GOLM1: variants seen among roughly 807,000 people sequenced by gnomAD.
The protein encoded by GOLM1 is epididymis luminal protein 46.
In GOLM1, 31 loss-of-function variants were observed where a neutral mutation model predicts 50.5. The ratio of observed to expected loss-of-function variants is 0.61; its 90% CI spans 0.46 to 0.83. GOLM1 has a LOEUF of 0.83. GOLM1 is among the 40% of genes least tolerant of loss of function. GOLM1 has a pLI of 0.00. For synonymous variants in GOLM1, 178 were observed against 192.8 expected, an observed-to-expected ratio of 0.92 and a Z score of 0.64; for missense variants, 491 against 501.3, an observed-to-expected ratio of 0.98 and a Z score of 0.20.
At chr9:86,096,042 T>C (rs1231570181) in intron 1 of GOLM1, among the ~76,000 whole-genome samples, 1 of 152,198 alleles carries the variant, frequency 6.6e-6, no homozygotes, top group Non-Finnish European at 1.5e-5. Flanking sequence ...TAAAAGTCCA[T>C]TGAAGTAGGC....
intron 1 of GOLM1, among the ~76,000 whole-genome samples, chr9:86,098,739 G>A (rs980010709): frequency 1.3e-5 from 2 of 152,242 alleles, no homozygotes; most frequent in South Asian, 2.1e-4. Flanking sequence ...TTTTACAGCA[G>A]GGCAAAGTTG....
intron 1 of GOLM1, among the ~76,000 whole-genome samples, chr9:86,098,766 T>C (rs530857771): frequency 1.6e-4 from 24 of 152,316 alleles, no homozygotes; most frequent in Admixed American, 1.2e-3. Context: ...TCCTCCACGT[T>C]GGCAAAGGTG....
intron 9 of GOLM1, among the ~76,000 whole-genome samples, chr9:86,031,384 A>G (rs1297904586): frequency 6.6e-6 from 1 of 152,062 alleles, no homozygotes; most frequent in East Asian, 1.9e-4. Context: ...TAGTCATGAA[A>G]ACTGTTAAAA....
rs1301062688 is a variant in GOLM1 at position 86,058,529 on chromosome 9, C to G, written c.310-5938G>C. 2.6e-5 allele frequency among the ~76,000 whole-genome samples: 4 copies of G among 151,556 alleles called. No homozygotes were observed. The East Asian group carries it at 7.7e-4, about 29-fold the overall frequency. ...TGGCCAACACAGCAAAACTCTGTCT[C>G]TACTAAAAATACAAAAATTAGCCAG... On this transcript the variant is annotated intron_variant, in intron 3 of 9. Coordinates refer to ENST00000388712, the MANE Select transcript of GOLM1 (RefSeq NM_016548.4).
At chr9:86,068,427 G>A (rs1834365725) in intron 3 of GOLM1, among the ~76,000 whole-genome samples, 1 of 152,228 alleles carries the variant, frequency 6.6e-6, no homozygotes. Context: ...GGTCAGGTCT[G>A]CTGTGAGCGA....
Position 86,035,584 on chromosome 9 carries a change from T to C in GOLM1, c.799A>G (p.Arg267Gly). The change falls in exon 8 of 10, where the codon AGG becomes GGG. Residue 267 changes from arginine to glycine, a missense_variant. Coordinates refer to ENST00000388712, the MANE Select transcript of GOLM1 (RefSeq NM_016548.4). ...EIQVVNEEPQ[R>G]DRLPQEPGRE... ...CCTGGCTCCTGCGGCAGCCTGTCCCTCTGAGGCTCCTCATTCACCACCTGG... is the reference window on the plus strand; with the variant it reads ...CCTGGCTCCTGCGGCAGCCTGTCCCCCTGAGGCTCCTCATTCACCACCTGG... 6.2e-7 allele frequency: 1 copy of C among 1,605,632 alleles called. No homozygotes were observed. Among genetic ancestry groups the C allele is most frequent in the South Asian group, 1.1e-5 (1 of 91,004 alleles).
rs1405225462 is a variant in GOLM1 at position 86,040,772 on chromosome 9, T to C, written c.564A>G (p.Arg188=). The change falls in exon 6 of 10, where the codon AGA becomes AGG. Residue 188 remains arginine (R), a synonymous_variant. Transcript: ENST00000388712. ...TKKGNEAVAS[R]DLSENNDQRQ... Reference sequence around the variant, plus strand: ...TCTGGTCGTTGTTTTCACTCAGGTCTCTGGAAGCTACAGCTTCATTCCCCT... The same window carrying C: ...TCTGGTCGTTGTTTTCACTCAGGTCCCTGGAAGCTACAGCTTCATTCCCCT... 8 of 1,613,892 alleles carry C rather than the reference T, an allele frequency of 5.0e-6. No individual in the cohort carries two copies. The highest frequency in any genetic ancestry group is 1.3e-5 in the African/African-American group (1 of 74,920).
intron 3 of GOLM1, among the ~76,000 whole-genome samples, chr9:86,060,912 A>AAG (rs1288996506): frequency 9.1e-5 from 7 of 76,554 alleles, no homozygotes; most frequent in South Asian, 4.2e-4. Flanking sequence ...AAAAAAAAAA[A>AAG]AAGAAGAAGA....
At chr9:86,047,755 A>G (rs570124245) in intron 4 of GOLM1, among the ~76,000 whole-genome samples, 1 of 152,358 alleles carries the variant, frequency 6.6e-6, no homozygotes, top group East Asian at 1.9e-4. Flanking sequence ...TCAGCAGTCA[A>G]AGAAATGAAT....
chr9:86,051,886 A>G (rs906665834), intron 4 of GOLM1, among the ~76,000 whole-genome samples: 5 of 152,196 alleles, frequency 3.3e-5, no homozygotes, highest in Non-Finnish European at 7.3e-5. Flanking sequence ...CGAAACCAGC[A>G]ATGACCAAAA....
chr9:86,052,513 T>C, intron 4 of GOLM1, 24 bp downstream of exon 4: 1 of 1,609,726 alleles, frequency 6.2e-7, no homozygotes, highest in Non-Finnish European at 8.5e-7. Flanking sequence ...CAGTGCCTGG[T>C]GTGGAGGAGC....
At chr9:86,046,646 G>C in intron 4 of GOLM1, 74 bp from the exon 5 acceptor site, 1 of 852,150 alleles carries the variant, frequency 1.2e-6, no homozygotes, top group Non-Finnish European at 2.0e-6. Flanking sequence ...ATATGACAGA[G>C]GCAGACTCAC....
Position 86,036,474 on chromosome 9 carries a change from G to T in GOLM1, c.631C>A (p.Gln211Lys). The part of the protein sequence containing the change: ...QALSEPQPRL[Q>K]AAGLPHTEVP... The stretch of plus-strand genomic sequence containing the variant: ...TCTGTGTGTGGCAGGCCTGCTGCCT[G>T]CAGCCTGGGCTGAGGCTCACTGAGG... The change falls in exon 7 of 10, where the codon CAG becomes AAG. Residue 211 changes from glutamine (Q) to lysine (K), a missense_variant. Transcript: ENST00000388712. 6.2e-7 allele frequency: 1 copy of T among 1,614,158 alleles called. No homozygotes were observed. Among genetic ancestry groups the T allele is most frequent in the Non-Finnish European group, 8.5e-7 (1 of 1,180,004 alleles).
At chr9:86,068,154 T>TGA (rs1834359089) in intron 3 of GOLM1, among the ~76,000 whole-genome samples, 1 of 152,098 alleles carries the variant, frequency 6.6e-6, no homozygotes, top group Non-Finnish European at 1.5e-5. Context: ...AAAGAAAGAC[T>TGA]GAGAGGCAAG....
chr9:86,096,876 CA>C (rs1835369237), intron 1 of GOLM1, among the ~76,000 whole-genome samples: 1 of 151,852 alleles, frequency 6.6e-6, no homozygotes, highest in Non-Finnish European at 1.5e-5. Flanking sequence ...TAAGAAACAT[CA>C]AAAAAGTTGG....
intron 6 of GOLM1, among the ~76,000 whole-genome samples, chr9:86,039,967 CAA>C (rs202123864): frequency 3.3e-4 from 24 of 72,316 alleles, no homozygotes; most frequent in East Asian, 8.4e-4. Context: ...GATGCCCTCT[CAA>C]AAAAAAAAAA....
At chr9:86,051,885 C>T (rs1833764694) in intron 4 of GOLM1, among the ~76,000 whole-genome samples, 1 of 152,138 alleles carries the variant, frequency 6.6e-6, no homozygotes. Context: ...TCGAAACCAG[C>T]AATGACCAAA....
intron 1 of GOLM1, among the ~76,000 whole-genome samples, chr9:86,090,013 C>T (rs1835123879): frequency 6.6e-6 from 1 of 152,194 alleles, no homozygotes; most frequent in Non-Finnish European, 1.5e-5. Context: ...CCCTCTGCTG[C>T]AGGTCTGCTG....
intron 3 of GOLM1, among the ~76,000 whole-genome samples, chr9:86,057,623 C>A (rs967303159): frequency 2.7e-5 from 4 of 145,652 alleles, no homozygotes; most frequent in African/African-American, 8.1e-5. Context: ...GCCTGGGCCA[C>A]CCTTTAGGGT....
Sources: gnomAD v4.1 joint callset for allele counts (sites outside exome capture counted in the v4.1 genomes callset) on GRCh38, gnomAD v4.1.1 for gene constraint, MANE v1.5 for transcripts, NCBI Gene and HGNC (gene_info 2026-07-23, HGNC 2026-07-21) for gene names.